Variants in FHIT observed in about 807,000 individuals in gnomAD.
The protein encoded by FHIT is bis(5'-adenosyl)-triphosphatase.
In FHIT, 19 loss-of-function variants were observed where a neutral mutation model predicts 17.9. That is an observed-to-expected ratio of 1.06 (90% CI 0.74 to 1.56). FHIT has a LOEUF of 1.56. FHIT is among the 40% of genes most tolerant of loss of function. The pLI is 0.00. For synonymous variants in FHIT, 81 were observed against 69.7 expected (o/e 1.16, Z -0.81); for missense variants, 248 against 189.2 (o/e 1.31, Z -1.82).
chr3:60,922,883 T>C (rs559092610), intron 3 of FHIT, among the ~76,000 whole-genome samples: 2 of 152,368 alleles, frequency 1.3e-5, no homozygotes, highest in South Asian at 2.1e-4. Flanking sequence ...TCACAGTCAA[T>C]ACATGTACAA....
At chr3:59,789,758 C>A (rs1699472287) in intron 8 of FHIT, among the ~76,000 whole-genome samples, 1 of 152,136 alleles carries the variant, frequency 6.6e-6, no homozygotes, top group African/African-American at 2.4e-5. Context: ...GCCCCTAACT[C>A]ATTAATACAT....
chr3:60,511,661 A>G (rs985362536), intron 5 of FHIT, among the ~76,000 whole-genome samples: 2 of 152,172 alleles, frequency 1.3e-5, no homozygotes, highest in African/African-American at 4.8e-5. Context: ...TTTCTAACAG[A>G]AGGGCCTAGA....
chr3:60,618,454 GC>G (rs2039018156), intron 4 of FHIT, among the ~76,000 whole-genome samples: 1 of 152,092 alleles, frequency 6.6e-6, no homozygotes, highest in East Asian at 1.9e-4. Context: ...CCTCCAACAG[GC>G]CCCAGTGTGT....
intron 2 of FHIT, among the ~76,000 whole-genome samples, chr3:61,093,459 C>T (rs748360871): frequency 8.6e-5 from 13 of 152,034 alleles, no homozygotes; most frequent in Admixed American, 1.3e-4. Flanking sequence ...AGATGACAAG[C>T]CCCCACAACA....
At chr3:60,438,724 G>A (rs137996663) in intron 5 of FHIT, among the ~76,000 whole-genome samples, 2 of 152,106 alleles carry the variant, frequency 1.3e-5, no homozygotes, top group African/African-American at 2.4e-5. Flanking sequence ...TAAGACAATG[G>A]GAAAATAACA....
Position 61,014,137 on chromosome 3 carries a change from A to C in FHIT, c.-111+27910T>G, listed in dbSNP as rs189327555. 2.0e-3 allele frequency among the ~76,000 whole-genome samples: 300 copies of C among 152,274 alleles called. 1 individual carries two copies. Among genetic ancestry groups the C allele is most frequent in the Admixed American group, 4.9e-3 (75 of 15,296 alleles). On this transcript the variant is annotated intron_variant, in intron 3 of 9. Transcript: ENST00000492590. ...TGCACCACTATCCCTATGGATGCTG[A>C]GAACTCCAGCTGTGGGAATTTGTGT... is the stretch of plus-strand genomic sequence containing the variant.
intron 5 of FHIT, among the ~76,000 whole-genome samples, chr3:60,341,840 G>T (rs1371090169): frequency 6.6e-6 from 1 of 152,116 alleles, no homozygotes; most frequent in Non-Finnish European, 1.5e-5. Context: ...CGCACCGCCT[G>T]GGTCAGAACC....
At chr3:60,247,394 A>G (rs536190251) in intron 5 of FHIT, among the ~76,000 whole-genome samples, 52 of 152,016 alleles carry the variant, frequency 3.4e-4, no homozygotes, top group African/African-American at 1.2e-3. Context: ...GATAGAAGAC[A>G]GAAGAAGAAA....
intron 8 of FHIT, among the ~76,000 whole-genome samples, chr3:59,844,495 G>A (rs945092686): frequency 6.6e-5 from 10 of 151,026 alleles, no homozygotes; most frequent in African/African-American, 2.4e-4. Flanking sequence ...GAGTGTGTGT[G>A]TCTGTGTGTG....
intron 3 of FHIT, among the ~76,000 whole-genome samples, chr3:60,902,357 C>A (rs1706162429): frequency 6.6e-6 from 1 of 152,180 alleles, no homozygotes. Context: ...GAATGGCATC[C>A]TATTTTATGG....
At chr3:60,274,945 T>C (rs576591722) in intron 5 of FHIT, among the ~76,000 whole-genome samples, 2 of 152,336 alleles carry the variant, frequency 1.3e-5, no homozygotes, top group Admixed American at 6.5e-5. Flanking sequence ...CCAAACAGAA[T>C]TATGTTAGAA....
chr3:60,098,290 C>T (rs1235584951), intron 5 of FHIT, among the ~76,000 whole-genome samples: 2 of 143,796 alleles, frequency 1.4e-5, no homozygotes, highest in African/African-American at 5.1e-5. Flanking sequence ...GGAATCGCCA[C>T]ACTGACTTCC....
chr3:61,219,177 A>G (rs2039767847), intron 1 of FHIT, among the ~76,000 whole-genome samples: 1 of 152,186 alleles, frequency 6.6e-6, no homozygotes, highest in Admixed American at 6.5e-5. Flanking sequence ...TATGGTAAAA[A>G]TATAGTATTA....
chr3:61,100,104 A>C (rs2035770340), intron 2 of FHIT, among the ~76,000 whole-genome samples: 1 of 152,076 alleles, frequency 6.6e-6, no homozygotes. Context: ...GTACATGTGC[A>C]CAATGTGCAG....
intron 3 of FHIT, among the ~76,000 whole-genome samples, chr3:60,974,546 A>C (rs1024124275): frequency 2.0e-5 from 3 of 152,224 alleles, no homozygotes; most frequent in African/African-American, 7.2e-5. Flanking sequence ...CTTCTCAGTT[A>C]CATGAATCAA....
At chr3:60,291,612 A>C (rs986289899) in intron 5 of FHIT, among the ~76,000 whole-genome samples, 3 of 152,178 alleles carry the variant, frequency 2.0e-5, no homozygotes, top group African/African-American at 7.2e-5. Context: ...TGGTAGGAAA[A>C]AAATAATTTC....
chr3:60,294,808 T>C (rs12495450), intron 5 of FHIT, among the ~76,000 whole-genome samples: 3 of 152,178 alleles, frequency 2.0e-5, no homozygotes, highest in African/African-American at 7.2e-5. Context: ...CCTTTTGAAA[T>C]TGGCTTTTTA....
At chr3:61,008,803 G>T (rs2031610618) in intron 3 of FHIT, among the ~76,000 whole-genome samples, 1 of 152,132 alleles carries the variant, frequency 6.6e-6, no homozygotes, top group Non-Finnish European at 1.5e-5. Context: ...AACAAGTTCA[G>T]TTCCCTCCAT....
chr3:60,827,015 T>G (rs1414720078), intron 3 of FHIT, among the ~76,000 whole-genome samples: 4 of 151,412 alleles, frequency 2.6e-5, no homozygotes, highest in South Asian at 2.1e-4. Flanking sequence ...AAAGAAAACT[T>G]TGCTTAAAAA....
Sources: allele counts gnomAD v4.1 joint callset (sites outside exome capture counted in the v4.1 genomes callset), GRCh38; gene constraint gnomAD v4.1.1; transcripts MANE v1.5; gene names NCBI Gene and HGNC (gene_info 2026-07-23, HGNC 2026-07-21).